WWOX: variants seen among roughly 807,000 people sequenced by gnomAD.
WWOX encodes WW domain-containing oxidoreductase.
A neutral mutation model predicts 46.2 loss-of-function variants in WWOX; 69 were observed. The observed-to-expected ratio is 1.49, with a 90% confidence interval of 1.23 to 1.82. The LOEUF is 1.82. Ranked by LOEUF, WWOX falls within the 40% of genes most tolerant of loss-of-function variation. The pLI is 0.00. For synonymous variants in WWOX, 359 were observed against 202.6 expected, an observed-to-expected ratio of 1.77 and a Z score of -6.56; for missense variants, 919 against 542.6, an observed-to-expected ratio of 1.69 and a Z score of -6.89.
At chr16:78,752,302 T>C (rs953625468) in intron 8 of WWOX, among the ~76,000 whole-genome samples, 1 of 152,204 alleles carries the variant, frequency 6.6e-6, no homozygotes, top group African/African-American at 2.4e-5. Flanking sequence ...TCCTTTTTGT[T>C]TTTGACGGAG....
At position 78,547,124 on chromosome 16, in the gene WWOX, T is replaced by C. The variant is rs1468872083; in HGVS notation, c.1056+114372T>C. ...GCCTGGGAGAGTGTGAGACCTTGTC[T>C]CAGAAAAAAAAAAAAAAAAAAAAAA... On this transcript the variant is annotated intron_variant, in intron 8 of 8. Coordinates refer to ENST00000566780, the MANE Select transcript of WWOX (RefSeq NM_016373.4). 1.9e-4 allele frequency among the ~76,000 whole-genome samples: 8 copies of C among 41,822 alleles called. No homozygotes were observed. In the Admixed American group the frequency reaches 2.2e-3, roughly 11 times the overall value. The allele number at this position is 41,822 out of a possible 152,430, so 27.4% of individuals were successfully genotyped here. A position where few individuals can be genotyped will look rare whatever the true frequency, so the allele number is the denominator to read the frequency against.
chr16:78,588,355 T>C (rs2045268765), intron 8 of WWOX, among the ~76,000 whole-genome samples: 1 of 152,208 alleles, frequency 6.6e-6, no homozygotes, highest in South Asian at 2.1e-4. Context: ...TTATTGAGGC[T>C]GCCTTTGGTG....
In WWOX at chr16:78,546,722, T is replaced by G. The variant is rs112838123; in HGVS notation, c.1056+113970T>G. Among the ~76,000 whole-genome samples the G allele has an allele frequency of 3.0e-4, 46 of 152,314 alleles. 1 individual carries two copies. The highest frequency in any genetic ancestry group is 1.1e-3 in the African/African-American group (44 of 41,576). On this transcript the variant is annotated intron_variant, in intron 8 of 8. Coordinates refer to ENST00000566780, the MANE Select transcript of WWOX (RefSeq NM_016373.4). Reference sequence around the variant, plus strand: ...GAAGTGCATCAGGTTCTTCTGGTACTGATTGTCCATGAACCACACTTTGAG... The same window carrying G: ...GAAGTGCATCAGGTTCTTCTGGTACGGATTGTCCATGAACCACACTTTGAG...
intron 6 of WWOX, among the ~76,000 whole-genome samples, chr16:78,413,008 T>G (rs749665104): frequency 6.6e-5 from 10 of 152,206 alleles, no homozygotes; most frequent in African/African-American, 2.2e-4. Flanking sequence ...AAGATCTGAT[T>G]GAGCTGACGC....
intron 4 of WWOX, among the ~76,000 whole-genome samples, chr16:78,143,692 T>C (rs1162681901): frequency 6.6e-6 from 1 of 151,638 alleles, no homozygotes; most frequent in East Asian, 1.9e-4. Flanking sequence ...TAAGGATTCC[T>C]CTAATAAGTT....
At chr16:78,859,195 G>T (rs554492922) in intron 8 of WWOX, among the ~76,000 whole-genome samples, 1 of 151,306 alleles carries the variant, frequency 6.6e-6, no homozygotes, top group East Asian at 2.0e-4. Context: ...GCAGGATGAA[G>T]GGGCCTAAAA....
chr16:78,876,014 CTT>C (rs1168875880), intron 8 of WWOX, among the ~76,000 whole-genome samples: 4 of 152,114 alleles, frequency 2.6e-5, no homozygotes, highest in African/African-American at 9.7e-5. Flanking sequence ...CCCACCCTCT[CTT>C]ATTTTTATAA....
chr16:78,433,213 T>G lies in WWOX; in HGVS notation c.1056+461T>G, dbSNP rs200719947. Among the ~76,000 whole-genome samples the G allele has an allele frequency of 3.3e-5, 5 of 152,202 alleles. No homozygotes were observed. In the East Asian group the frequency reaches 9.7e-4, roughly 29 times the overall value. On this transcript the variant is annotated intron_variant, in intron 8 of 8. Coordinates refer to ENST00000566780, the MANE Select transcript of WWOX (RefSeq NM_016373.4). ...CTGTATCTTTTGTTCTAAATTTTTTTCTTCTAATGGGTATAATCCTCTGTT... is the reference window on the plus strand; with the variant it reads ...CTGTATCTTTTGTTCTAAATTTTTTGCTTCTAATGGGTATAATCCTCTGTT...
chr16:78,664,848 A>C (rs547392216), intron 8 of WWOX, among the ~76,000 whole-genome samples: 1 of 152,220 alleles, frequency 6.6e-6, no homozygotes, highest in Non-Finnish European at 1.5e-5. Flanking sequence ...GTCCAATTCT[A>C]AATGTGTGCA....
chr16:79,186,211 A>G (rs1397802254), intron 8 of WWOX, among the ~76,000 whole-genome samples: 1 of 152,148 alleles, frequency 6.6e-6, no homozygotes, highest in Non-Finnish European at 1.5e-5. Context: ...AACAGGAATA[A>G]TTCAGTGTGT....
At chr16:78,757,227 G>A (rs1185727742) in intron 8 of WWOX, among the ~76,000 whole-genome samples, 2 of 152,158 alleles carry the variant, frequency 1.3e-5, no homozygotes, top group Admixed American at 6.5e-5. Flanking sequence ...GGGATAATTT[G>A]TTATACAACA....
At chr16:78,795,587 C>T (rs989295405) in intron 8 of WWOX, among the ~76,000 whole-genome samples, 2 of 152,216 alleles carry the variant, frequency 1.3e-5, no homozygotes, top group African/African-American at 4.8e-5. Context: ...ATTTCTGGGA[C>T]AGTGCTTTCT....
intron 8 of WWOX, among the ~76,000 whole-genome samples, chr16:78,779,078 C>G (rs892415379): frequency 6.8e-6 from 1 of 146,560 alleles, no homozygotes; most frequent in African/African-American, 2.5e-5. Context: ...ATAGAGATCA[C>G]TCTATCGCCT....
At chr16:78,691,190 G>T (rs1474606290) in intron 8 of WWOX, 1 of 700,648 alleles carries the variant, frequency 1.4e-6, no homozygotes, top group African/African-American at 1.7e-5. Context: ...GAGAATAGAT[G>T]TAGGTCCAGC....
rs555608779 is a variant in WWOX at position 78,817,450 on chromosome 16, G to C, written c.1056+384698G>C. On this transcript the variant is annotated intron_variant, in intron 8 of 8. Transcript: ENST00000566780. ...GCTACCAACAATCATAAAACTGAAA[G>C]ATCTATCGGAAGAGTTGGCTTCTCT... Among the ~76,000 whole-genome samples the C allele has an allele frequency of 1.6e-4, 25 of 152,224 alleles. No homozygotes were observed. The East Asian group carries it at 2.1e-3, about 13-fold the overall frequency.
At chr16:78,705,765 C>T (rs2048315969) in intron 8 of WWOX, among the ~76,000 whole-genome samples, 1 of 152,292 alleles carries the variant, frequency 6.6e-6, no homozygotes, top group South Asian at 2.1e-4. Context: ...AGAGCACATA[C>T]TGCTTTTGTG....
At chr16:79,191,139 C>T (rs1043560726) in intron 8 of WWOX, among the ~76,000 whole-genome samples, 2 of 152,116 alleles carry the variant, frequency 1.3e-5, no homozygotes, top group African/African-American at 4.8e-5. Flanking sequence ...GTGCAGCCTC[C>T]GCCTCTCGGG....
At chr16:78,405,981 G>A (rs535648610) in intron 6 of WWOX, among the ~76,000 whole-genome samples, 18 of 152,110 alleles carry the variant, frequency 1.2e-4, no homozygotes, top group African/African-American at 4.3e-4. Flanking sequence ...CACATATCAT[G>A]CAAAAGATAT....
intron 8 of WWOX, among the ~76,000 whole-genome samples, chr16:78,951,485 T>C (rs2046058701): frequency 6.7e-6 from 1 of 149,264 alleles, no homozygotes; most frequent in African/African-American, 2.5e-5. Context: ...ATCCACACCA[T>C]ATAGACTGTG....
Sources: allele counts gnomAD v4.1 joint callset (sites outside exome capture counted in the v4.1 genomes callset), GRCh38; gene constraint gnomAD v4.1.1; transcripts MANE v1.5; gene names NCBI Gene and HGNC (gene_info 2026-07-23, HGNC 2026-07-21).